VPS53: variants seen among roughly 807,000 people sequenced by gnomAD.
VPS53 encodes VPS53 subunit of GARP complex.
Under a neutral mutation model 107.0 loss-of-function variants are expected in VPS53, and 70 were observed. The ratio of observed to expected loss-of-function variants is 0.65; its 90% CI spans 0.54 to 0.80. VPS53 has a LOEUF of 0.80. VPS53 is among the 30% of genes least tolerant of loss of function. The probability of loss-of-function intolerance (pLI) is 0.00; values close to 1 mark genes in which losing one functional copy is unlikely to be tolerated. For missense variants in VPS53, 917 were observed against 1,049.4 expected (o/e 0.87, Z 1.74); for synonymous variants, 409 against 393.3 (o/e 1.04, Z -0.47).
rs72808256 is a variant in VPS53, at chr17:515,244, T to C, written c.*3884A>G. 6.6e-5 allele frequency: 10 copies of C among 152,298 alleles called. No homozygotes were observed. The highest frequency in any genetic ancestry group is 2.0e-4 in the Admixed American group (3 of 15,300). 9.4% of individuals were successfully genotyped at this position (152,298 alleles called of 1,614,324 possible). On this transcript the variant is annotated 3_prime_UTR_variant, in exon 22 of 22. Coordinates refer to ENST00000437048, the MANE Select transcript of VPS53 (RefSeq NM_001128159.3). ...ATCCACAGGTACTCCTTTTACCTTA[T>C]TATTTTTTAGAGAGTCTTGCTCCGT...
intron 6 of VPS53, 36 bp downstream of exon 6, chr17:655,802 C>A: frequency 6.4e-7 from 1 of 1,573,860 alleles, no homozygotes. Flanking sequence ...CGATACATTT[C>A]CCGTGGCCCC....
At chr17:646,786 G>A (rs1007469288) in intron 7 of VPS53, among the ~76,000 whole-genome samples, 8 of 121,540 alleles carry the variant, frequency 6.6e-5, no homozygotes, top group African/African-American at 9.3e-5. Context: ...ACTGGAGATC[G>A]GCTCCCACAC....
chr17:651,977 C>T (rs566143623), intron 7 of VPS53, among the ~76,000 whole-genome samples: 1 of 151,446 alleles, frequency 6.6e-6, no homozygotes, highest in African/African-American at 2.4e-5. Context: ...ATCTTTTTAT[C>T]GTATCTAAAG....
intron 11 of VPS53, 62 bp downstream of exon 11, chr17:623,471 C>A (rs1163539900): frequency 6.4e-7 from 1 of 1,561,580 alleles, no homozygotes; most frequent in East Asian, 2.3e-5. Context: ...TACAGTGAAA[C>A]CCTGAATCCC....
intron 2 of VPS53, among the ~76,000 whole-genome samples, chr17:705,308 G>C (rs1973359371): frequency 6.6e-6 from 1 of 152,018 alleles, no homozygotes. Context: ...TTAACTTAGG[G>C]CCAGGCACAG....
At chr17:576,036 A>G (rs573975904) in intron 13 of VPS53, among the ~76,000 whole-genome samples, 25 of 151,856 alleles carry the variant, frequency 1.6e-4, no homozygotes, top group African/African-American at 5.1e-4. Context: ...AACCTCCCTC[A>G]CAACCTAACG....
intron 2 of VPS53, among the ~76,000 whole-genome samples, chr17:703,294 T>C (rs576125075): frequency 7.2e-5 from 11 of 152,192 alleles, no homozygotes; most frequent in African/African-American, 1.9e-4. Flanking sequence ...AAAAAACAGA[T>C]GGGAAACGTG....
intron 4 of VPS53, among the ~76,000 whole-genome samples, chr17:666,666 A>AAAC (rs769241216): frequency 7.9e-5 from 12 of 151,896 alleles, no homozygotes; most frequent in African/African-American, 2.4e-4. Context: ...CTCCATCTCA[A>AAAC]AACAACAACA....
intron 11 of VPS53, among the ~76,000 whole-genome samples, chr17:611,892 T>A (rs1170235740): frequency 1.1e-4 from 15 of 139,298 alleles, no homozygotes; most frequent in African/African-American, 3.3e-4. Context: ...AAACCTGTAC[T>A]GATATTCACA....
rs756582853 is a variant in VPS53 at position 553,428 on chromosome 17, C to T, written c.1739G>A (p.Ser580Asn). The change falls in exon 16 of 22, where the codon AGT becomes AAT. Residue 580 changes from serine (S) to asparagine (N), a missense_variant. By Grantham distance (46) the Ser-to-Asn change is conservative. Coordinates refer to ENST00000437048, the MANE Select transcript of VPS53 (RefSeq NM_001128159.3). Reference sequence around the variant, plus strand: ...AGTCAGATTGATTCGTTCAATCAGACTTACATCCACTTTTTCTTTGAGTTT... The same window carrying T: ...AGTCAGATTGATTCGTTCAATCAGATTTACATCCACTTTTTCTTTGAGTTT... ...EEKLKEKVDV[S>N]LIERINLTGE... 6.2e-7 allele frequency: 1 copy of T among 1,614,090 alleles called. No homozygotes were observed. The highest frequency in any genetic ancestry group is 8.5e-7 in the Non-Finnish European group (1 of 1,180,046).
chr17:627,797 CAA>C (rs398058500), intron 9 of VPS53, among the ~76,000 whole-genome samples: 1 of 135,134 alleles, frequency 7.4e-6, no homozygotes, highest in Admixed American at 7.4e-5. Flanking sequence ...CACACACACA[CAA>C]AATCCAGAGG....
At chr17:696,469 C>T (rs1011036484) in intron 4 of VPS53, among the ~76,000 whole-genome samples, 3 of 152,092 alleles carry the variant, frequency 2.0e-5, no homozygotes, top group African/African-American at 7.2e-5. Context: ...AGCATTGAAG[C>T]AATTGCAAAG....
intron 5 of VPS53, 85 bp downstream of exon 5, chr17:661,724 A>T (rs757069275): frequency 2.5e-5 from 34 of 1,338,364 alleles, no homozygotes; most frequent in Non-Finnish European, 3.2e-5. Flanking sequence ...TGCCATTATT[A>T]GAAAAAGCTC....
chr17:545,317 G>A (rs1298173938), intron 17 of VPS53, among the ~76,000 whole-genome samples: 1 of 152,092 alleles, frequency 6.6e-6, no homozygotes, highest in Non-Finnish European at 1.5e-5. Context: ...CAGGACTCAG[G>A]GCCACACCCC....
chr17:601,653 G>T, intron 12 of VPS53, 142 bp downstream of exon 12: 1 of 594,988 alleles, frequency 1.7e-6, no homozygotes, highest in Non-Finnish European at 2.9e-6. Flanking sequence ...TGCACTTTCA[G>T]ATAAAGGCCT....
chr17:685,872 C>G (rs1235790103), intron 4 of VPS53, among the ~76,000 whole-genome samples: 1 of 152,104 alleles, frequency 6.6e-6, no homozygotes, highest in Non-Finnish European at 1.5e-5. Flanking sequence ...ATTAGCCAGA[C>G]ATGGTGACAT....
At chr17:612,127 T>A (rs1051615738) in intron 11 of VPS53, among the ~76,000 whole-genome samples, 2 of 151,772 alleles carry the variant, frequency 1.3e-5, no homozygotes, top group South Asian at 2.1e-4. Context: ...CACAGCAGTA[T>A]TCAAATAGTG....
chr17:533,101 C>CT (rs1909728635), intron 18 of VPS53, 190 bp from the exon 19 acceptor site: 2 of 1,034,298 alleles, frequency 1.9e-6, no homozygotes, highest in Non-Finnish European at 2.7e-6. Context: ...ACATGAGGCC[C>CT]TGGCAGGCCC....
At chr17:578,725 C>A (rs1914884335) in intron 13 of VPS53, among the ~76,000 whole-genome samples, 1 of 151,912 alleles carries the variant, frequency 6.6e-6, no homozygotes, top group Non-Finnish European at 1.5e-5. Flanking sequence ...CAGTCAATTA[C>A]CAGAGAACCT....
Sources: gnomAD v4.1 joint callset for allele counts (sites outside exome capture counted in the v4.1 genomes callset) on GRCh38, gnomAD v4.1.1 for gene constraint, MANE v1.5 for transcripts, NCBI Gene and HGNC (gene_info 2026-07-23, HGNC 2026-07-21) for gene names.